Variants in TENM2 observed in about 807,000 individuals in gnomAD.
TENM2 encodes teneurin transmembrane protein 2.
TENM2 carries 52 observed loss-of-function variants against 245.2 expected under a neutral mutation model. The observed-to-expected ratio is 0.21, with a 90% CI of 0.17 to 0.27. The LOEUF (loss-of-function observed/expected upper bound fraction) is 0.27, where lower values mean the gene tolerates loss of function less well. Among genes scored for constraint, TENM2 ranks in the 10% least tolerant of loss-of-function variants. The probability of loss-of-function intolerance (pLI) is 1.00; values close to 1 mark genes in which losing one functional copy is unlikely to be tolerated. For missense variants in TENM2, 3,046 were observed against 3,666.8 expected (o/e 0.83, Z 4.37); for synonymous variants, 1,363 against 1,438.9 (o/e 0.95, Z 1.19).
chr5:167,518,110 G>A (rs551573928), intron 2 of TENM2, among the ~76,000 whole-genome samples: 102 of 151,480 alleles, frequency 6.7e-4, no homozygotes, highest in South Asian at 6.3e-3. Flanking sequence ...GTAGTGAGCC[G>A]ATATGGTATC....
chr5:167,690,933 G>C (rs1197866818), intron 2 of TENM2, among the ~76,000 whole-genome samples: 1 of 94,456 alleles, frequency 1.1e-5, no homozygotes, highest in African/African-American at 4.5e-5. Context: ...ATGTGTGTGT[G>C]TGTGTGTGTG....
the TENM2 span, among the ~76,000 whole-genome samples, chr5:167,226,102 A>C: frequency 0.011 from 1,688 of 151,992 alleles, 33 homozygotes; most frequent in African/African-American, 0.039. Flanking sequence ...CTTTTCAAAA[A>C]ACTTTTCACT....
rs369986327 is a variant in TENM2, at chr5:168,025,778, A to C, written c.1187-21649A>C. Among the ~76,000 whole-genome samples, 9 of 152,336 alleles carry C rather than the reference A, an allele frequency of 5.9e-5. No individual in the cohort carries two copies. The East Asian group carries it at 1.2e-3, about 20-fold the overall frequency. On this transcript the variant is annotated intron_variant, in intron 5 of 28. Transcript: ENST00000518659. ...AAGTGGAACATGAAAAGATGGAGGC[A>C]AATTCTTGAACATGAAGAGACCACC... is the stretch of plus-strand genomic sequence containing the variant.
At chr5:167,251,125 A>G in the TENM2 span, among the ~76,000 whole-genome samples, 1 of 152,122 alleles carries the variant, frequency 6.6e-6, no homozygotes, top group Non-Finnish European at 1.5e-5. Context: ...TATTCTGAAT[A>G]CATTCAGAGG....
At chr5:167,818,793 T>C (rs942811499) in intron 2 of TENM2, among the ~76,000 whole-genome samples, 2 of 152,206 alleles carry the variant, frequency 1.3e-5, no homozygotes, top group African/African-American at 4.8e-5. Context: ...AGTTAGTTGC[T>C]TTTAAACCCT....
At chr5:167,053,524 A>G in the TENM2 span, among the ~76,000 whole-genome samples, 1 of 152,164 alleles carries the variant, frequency 6.6e-6, no homozygotes, top group African/African-American at 2.4e-5. Flanking sequence ...ACTCCAAATT[A>G]TCAGCCGTAA....
chr5:167,496,616 C>T (rs554629960), intron 2 of TENM2, among the ~76,000 whole-genome samples: 2 of 152,216 alleles, frequency 1.3e-5, no homozygotes, highest in South Asian at 4.1e-4. Context: ...ACCTCCATTA[C>T]AATGCCGCTT....
the TENM2 span, among the ~76,000 whole-genome samples, chr5:167,241,104 G>A: frequency 6.6e-6 from 1 of 150,984 alleles, no homozygotes; most frequent in Non-Finnish European, 1.5e-5. Flanking sequence ...ATAAAACAAA[G>A]CATTACTTTT....
intron 3 of TENM2, among the ~76,000 whole-genome samples, chr5:167,924,515 A>G (rs1777603657): frequency 6.6e-6 from 1 of 152,220 alleles, no homozygotes; most frequent in Non-Finnish European, 1.5e-5. Context: ...AGTTCATGAC[A>G]TAGGTTAGCA....
intron 3 of TENM2, among the ~76,000 whole-genome samples, chr5:167,910,904 C>T (rs1174745991): frequency 6.6e-6 from 1 of 152,136 alleles, no homozygotes; most frequent in Non-Finnish European, 1.5e-5. Flanking sequence ...CTCAGATTCT[C>T]TTTGGATCTC....
Position 168,027,104 on chromosome 5 carries a change from G to GACAC in TENM2, c.1187-20312_1187-20309dup, listed in dbSNP as rs556215802. Among the ~76,000 whole-genome samples, 580 of 151,832 alleles carry GACAC rather than the reference G, an allele frequency of 3.8e-3. 5 individuals are homozygous for GACAC. Among genetic ancestry groups the GACAC allele is most frequent in the African/African-American group, 0.013 (556 of 41,408 alleles). On this transcript the variant is annotated intron_variant, in intron 5 of 28. Coordinates refer to ENST00000518659, the Ensembl canonical transcript of TENM2. ...TGCACCTGTCAGGAAATAAGCTACA[G>GACAC]ACACACACACACACGTGCATGTGAA...
chr5:168,192,470 T>C (rs936181224), intron 14 of TENM2, among the ~76,000 whole-genome samples: 6 of 152,144 alleles, frequency 3.9e-5, no homozygotes, highest in Non-Finnish European at 7.3e-5. Flanking sequence ...TCCAAACTTC[T>C]CTTTGATCTT....
intron 1 of TENM2, among the ~76,000 whole-genome samples, chr5:167,323,659 CTG>C (rs1488258122): frequency 6.6e-6 from 1 of 152,106 alleles, no homozygotes; most frequent in Non-Finnish European, 1.5e-5. Context: ...TCAGAAGTAT[CTG>C]TGAAAATTTT....
intron 12 of TENM2, among the ~76,000 whole-genome samples, chr5:168,142,861 T>C (rs1344124805): frequency 2.0e-5 from 3 of 152,174 alleles, no homozygotes; most frequent in Non-Finnish European, 4.4e-5. Flanking sequence ...TGGAATATAG[T>C]AGATGCTCAG....
chr5:167,426,663 G>A (rs1336953033), intron 2 of TENM2, among the ~76,000 whole-genome samples: 1 of 151,746 alleles, frequency 6.6e-6, no homozygotes, highest in Non-Finnish European at 1.5e-5. Flanking sequence ...CACTAATTTG[G>A]TATTTAACTG....
chr5:167,452,950 T>TATATTTTTTTTTTTTTAA lies in TENM2; in HGVS notation c.502+77481_502+77482insTTTTTTTTTTTTAAATAT, dbSNP rs1561968205. Among the ~76,000 whole-genome samples the TATATTTTTTTTTTTTTAA allele has an allele frequency of 2.0e-5, 2 of 99,630 alleles. 1 individual carries two copies. The highest frequency in any genetic ancestry group is 6.8e-5 in the African/African-American group (2 of 29,432). 65.4% of individuals were successfully genotyped at this position (99,630 alleles called of 152,430 possible). The stretch of plus-strand genomic sequence containing the variant: ...TATGATTTATATATATATATATATA[T>TATATTTTTTTTTTTTTAA]ATATATATATATTTAAAAAAAAAAA... On this transcript the variant is annotated intron_variant, in intron 2 of 28. Coordinates refer to ENST00000518659, the Ensembl canonical transcript of TENM2.
At chr5:167,001,665 T>A in the TENM2 span, among the ~76,000 whole-genome samples, 1 of 152,176 alleles carries the variant, frequency 6.6e-6, no homozygotes, top group African/African-American at 2.4e-5. Flanking sequence ...GTAAAATCCC[T>A]CCTGTCACAT....
intron 2 of TENM2, among the ~76,000 whole-genome samples, chr5:167,828,413 C>T (rs967686532): frequency 6.6e-6 from 1 of 152,160 alleles, no homozygotes; most frequent in South Asian, 2.1e-4. Flanking sequence ...CCATTTTAAG[C>T]GATAGTCTGC....
At chr5:167,093,493 G>A in the TENM2 span, among the ~76,000 whole-genome samples, 1 of 152,214 alleles carries the variant, frequency 6.6e-6, no homozygotes, top group Non-Finnish European at 1.5e-5. Context: ...AAGAAGAGAA[G>A]GAAATTTGGC....
Sources: gnomAD v4.1 joint callset for allele counts (sites outside exome capture counted in the v4.1 genomes callset) on GRCh38, gnomAD v4.1.1 for gene constraint, MANE v1.5 for transcripts, NCBI Gene and HGNC (gene_info 2026-07-23, HGNC 2026-07-21) for gene names.